The following ENOX1 variants were observed in gnomAD, a reference collection of about 807,000 sequenced individuals.
The protein encoded by ENOX1 is candidate growth-related and time keeping constitutive hydroquinone (NADH) oxidase.
ENOX1 carries 42 observed loss-of-function variants against 82.5 expected under a neutral mutation model. The observed-to-expected ratio is 0.51, with a 90% CI of 0.40 to 0.66. The LOEUF is 0.66. Among genes scored for constraint, ENOX1 ranks in the 30% least tolerant of loss-of-function variants. The pLI, the probability that ENOX1 is intolerant of heterozygous loss-of-function variation, is 0.00. For missense variants in ENOX1, 608 were observed against 811.6 expected, an observed-to-expected ratio of 0.75 and a Z score of 3.05; for synonymous variants, 271 against 282.2, an observed-to-expected ratio of 0.96 and a Z score of 0.40.
chr13:43,525,959 T>G (rs1311463756), intron 2 of ENOX1, among the ~76,000 whole-genome samples: 2 of 152,128 alleles, frequency 1.3e-5, no homozygotes, highest in African/African-American at 4.8e-5. Context: ...TCTTCATTTT[T>G]TAAGTTGGTT....
chr13:43,765,529 T>C (rs1456043738), intron 1 of ENOX1, among the ~76,000 whole-genome samples: 1 of 152,152 alleles, frequency 6.6e-6, no homozygotes, highest in Non-Finnish European at 1.5e-5. Context: ...TTGGTAATTA[T>C]TTGCTTCCTA....
At chr13:43,674,039 C>T (rs1233723819) in intron 1 of ENOX1, among the ~76,000 whole-genome samples, 1 of 152,190 alleles carries the variant, frequency 6.6e-6, no homozygotes, top group Non-Finnish European at 1.5e-5. Context: ...AATTCCCAGA[C>T]TCAGTGACTT....
chr13:43,222,053 A>C (rs916765511), intron 16 of ENOX1, among the ~76,000 whole-genome samples: 1 of 152,106 alleles, frequency 6.6e-6, no homozygotes, highest in Non-Finnish European at 1.5e-5. Context: ...GAAGATGGAG[A>C]GCTATCTGGG....
intron 3 of ENOX1, among the ~76,000 whole-genome samples, chr13:43,414,205 C>T (rs2054308683): frequency 1.3e-5 from 2 of 152,184 alleles, no homozygotes; most frequent in Admixed American, 6.5e-5. Context: ...CAAATGGAAG[C>T]TAAGGGTTCA....
At chr13:43,639,025 C>T (rs769904340) in intron 2 of ENOX1, among the ~76,000 whole-genome samples, 3 of 152,140 alleles carry the variant, frequency 2.0e-5, no homozygotes, top group South Asian at 2.1e-4. Context: ...ATATACAGGC[C>T]GGGCGTGGTG....
intron 1 of ENOX1, among the ~76,000 whole-genome samples, chr13:43,684,515 G>T (rs1490755097): frequency 2.0e-5 from 3 of 152,112 alleles, no homozygotes; most frequent in African/African-American, 7.2e-5. Context: ...GGCCATGAAG[G>T]GTGATCCAAA....
intron 1 of ENOX1, among the ~76,000 whole-genome samples, chr13:43,773,530 A>G (rs1951760411): frequency 6.6e-6 from 1 of 152,158 alleles, no homozygotes; most frequent in Admixed American, 6.5e-5. Context: ...CTCTCCAGCC[A>G]CACTGGCCTC....
At chr13:43,542,597 G>A (rs1435652314) in intron 2 of ENOX1, among the ~76,000 whole-genome samples, 2 of 152,008 alleles carry the variant, frequency 1.3e-5, no homozygotes, top group African/African-American at 4.8e-5. Flanking sequence ...CACCACACCT[G>A]CCTAATTTTT....
At chr13:43,457,918 T>A (rs560765363) in intron 3 of ENOX1, among the ~76,000 whole-genome samples, 35 of 152,320 alleles carry the variant, frequency 2.3e-4, no homozygotes, top group African/African-American at 7.7e-4. Context: ...CAAGAATATA[T>A]GTGTATATGT....
At chr13:43,471,105 T>C (rs2058047800) in intron 3 of ENOX1, among the ~76,000 whole-genome samples, 1 of 152,228 alleles carries the variant, frequency 6.6e-6, no homozygotes, top group Admixed American at 6.5e-5. Context: ...TGTGGAAGAA[T>C]GGATAAACAA....
At chr13:43,383,795 T>A (rs752669712) in intron 5 of ENOX1, among the ~76,000 whole-genome samples, 4 of 152,208 alleles carry the variant, frequency 2.6e-5, no homozygotes, top group Non-Finnish European at 5.9e-5. Context: ...AAAGCCAGTA[T>A]GTTGCTAGTA....
intron 2 of ENOX1, among the ~76,000 whole-genome samples, chr13:43,576,402 T>C (rs1338165529): frequency 3.3e-5 from 5 of 152,272 alleles, no homozygotes; most frequent in Non-Finnish European, 5.9e-5. Flanking sequence ...ATACTTTTTC[T>C]TGACACTTAT....
intron 2 of ENOX1, among the ~76,000 whole-genome samples, chr13:43,634,988 A>G (rs974548313): frequency 6.6e-6 from 1 of 152,200 alleles, no homozygotes; most frequent in African/African-American, 2.4e-5. Flanking sequence ...CCCAAGGACC[A>G]AGAACCCATT....
chr13:43,424,383 G>T (rs2055162335), intron 3 of ENOX1, among the ~76,000 whole-genome samples: 2 of 152,126 alleles, frequency 1.3e-5, no homozygotes, highest in South Asian at 4.2e-4. Flanking sequence ...CCCTTAAATG[G>T]TGGCAAACTG....
At chr13:43,484,983 C>T (rs2076364457) in intron 2 of ENOX1, among the ~76,000 whole-genome samples, 1 of 152,170 alleles carries the variant, frequency 6.6e-6, no homozygotes, top group Non-Finnish European at 1.5e-5. Context: ...TTCTCATCTT[C>T]CTCTGGCCCA....
At chr13:43,509,871 A>C (rs1272257359) in intron 2 of ENOX1, among the ~76,000 whole-genome samples, 5 of 151,862 alleles carry the variant, frequency 3.3e-5, no homozygotes, top group Non-Finnish European at 4.4e-5. Context: ...CCAACCCCCA[A>C]CACCCACCCT....
intron 1 of ENOX1, among the ~76,000 whole-genome samples, chr13:43,759,700 T>C (rs1231004547): frequency 6.6e-6 from 1 of 151,972 alleles, no homozygotes; most frequent in Non-Finnish European, 1.5e-5. Context: ...AAGGTATGAC[T>C]TTTTTTCATC....
intron 2 of ENOX1, among the ~76,000 whole-genome samples, chr13:43,632,927 T>C (rs2083278057): frequency 6.6e-6 from 1 of 152,204 alleles, no homozygotes; most frequent in Non-Finnish European, 1.5e-5. Flanking sequence ...TCTTAGACTG[T>C]TCACTGGAGG....
chr13:43,467,002 A>G (rs1426341310), intron 3 of ENOX1, among the ~76,000 whole-genome samples: 1 of 152,220 alleles, frequency 6.6e-6, no homozygotes. Context: ...GCATGCGTAT[A>G]TCACATTTTG....
Sources: gnomAD v4.1 joint callset for allele counts (sites outside exome capture counted in the v4.1 genomes callset) on GRCh38, gnomAD v4.1.1 for gene constraint, MANE v1.5 for transcripts, NCBI Gene and HGNC (gene_info 2026-07-23, HGNC 2026-07-21) for gene names.